The following PRIM1 variants were observed in gnomAD, a reference collection of about 807,000 sequenced individuals.
PRIM1 encodes DNA primase small subunit.
Under a neutral mutation model 60.2 loss-of-function variants are expected in PRIM1, and 38 were observed. The ratio of observed to expected loss-of-function variants is 0.63; its 90% CI spans 0.49 to 0.83. PRIM1 has a LOEUF of 0.83. Ranked by LOEUF, PRIM1 falls within the 40% of genes least tolerant of loss-of-function variation. The pLI is 0.00. For missense variants in PRIM1, 388 were observed against 506.2 expected (o/e 0.77, Z 2.24); for synonymous variants, 158 against 160.2 (o/e 0.99, Z 0.10).
At chr12:56,737,155 A>T (rs1168840071) in intron 11 of PRIM1, among the ~76,000 whole-genome samples, 3 of 152,046 alleles carry the variant, frequency 2.0e-5, no homozygotes, top group Non-Finnish European at 4.4e-5. Flanking sequence ...CCCTATTGTG[A>T]ACTGCGCATG....
chr12:56,734,793 T>A (rs1217512976), intron 11 of PRIM1, among the ~76,000 whole-genome samples: 1 of 143,906 alleles, frequency 6.9e-6, no homozygotes, highest in African/African-American at 2.6e-5. Context: ...TATATATATA[T>A]AATATATATA....
intron 9 of PRIM1, 120 bp downstream of exon 9, chr12:56,741,315 G>C (rs1953870719): frequency 9.0e-7 from 1 of 1,107,720 alleles, no homozygotes. Context: ...TTGGGTGACA[G>C]AGCAATTCTT....
At chr12:56,752,109 G>C (rs2008509) in intron 1 of PRIM1, 87 bp downstream of exon 1, 42 of 940,584 alleles carry the variant, frequency 4.5e-5, no homozygotes, top group Non-Finnish European at 6.4e-5. Flanking sequence ...CTGGTGCACA[G>C]AAGGCGCTTC....
chr12:56,744,080 A>G lies in PRIM1; in HGVS notation c.623T>C (p.Ile208Thr). Residue 208 changes from isoleucine (I) to threonine (T), a missense_variant, in exon 6 of 13, where the codon ATT (isoleucine) becomes ACT (threonine). Around this residue, in one of 3 missense-constraint regions of PRIM1, gnomAD observed 211 missense variants for 277.9 expected, o/e 0.76. Transcript: ENST00000338193. Reference protein sequence around the residue: ...VKKKVHLSEKIHPFIRKSINI... With the variant: ...VKKKVHLSEKTHPFIRKSINI... ...TCCAACAGACCTGATAAAAGGGTGA[A>G]TTTTTTCACTTAGGTGAACTTTCTT... The G allele has an allele frequency of 1.9e-6, 3 of 1,573,560 alleles. No individual in the cohort carries two copies. Among genetic ancestry groups the G allele is most frequent in the South Asian group, 1.2e-5 (1 of 85,710 alleles).
In PRIM1 at chr12:56,739,318, T is replaced by C; in HGVS notation, c.1028A>G (p.Asp343Gly). The change falls in exon 10 of 13, where the codon GAT becomes GGT. Residue 343 changes from aspartate (D) to glycine (G), a missense_variant. Transcript: ENST00000338193. ...PIDLQKVDQFDPFTVPTISFI... is the reference protein window; with the variant it reads ...PIDLQKVDQFGPFTVPTISFI... ...CCTTATGGTCGGAACAGTAAATGGA[T>C]CAAACTGGTCCACTTTCTGCAAATC... 6.3e-7 allele frequency: 1 copy of C among 1,581,148 alleles called. No homozygotes were observed. Among genetic ancestry groups the C allele is most frequent in the Non-Finnish European group, 8.6e-7 (1 of 1,158,462 alleles).
At chr12:56,745,373 C>T (rs1953899057) in intron 5 of PRIM1, among the ~76,000 whole-genome samples, 1 of 151,040 alleles carries the variant, frequency 6.6e-6, no homozygotes, top group African/African-American at 2.4e-5. Context: ...GTCACGTTAC[C>T]GTACTCCAGC....
At chr12:56,732,829 G>C (rs567136392) in intron 12 of PRIM1, among the ~76,000 whole-genome samples, 3 of 151,490 alleles carry the variant, frequency 2.0e-5, no homozygotes, top group South Asian at 4.2e-4. Flanking sequence ...ATACCTTATG[G>C]TATAGTATAT....
chr12:56,738,007 G>C (rs1442565792), intron 11 of PRIM1, among the ~76,000 whole-genome samples: 4 of 152,220 alleles, frequency 2.6e-5, no homozygotes, highest in Admixed American at 2.6e-4. Flanking sequence ...TTACAGGCGT[G>C]AGCCACTGCG....
At chr12:56,741,707 CAT>C (rs749231835) in intron 8 of PRIM1, 37 bp downstream of exon 8, 4 of 1,591,096 alleles carry the variant, frequency 2.5e-6, no homozygotes, top group South Asian at 1.1e-5. Context: ...TTAAGAATTG[CAT>C]TATTATATCT....
chr12:56,750,592 C>CTT (rs758888858), intron 2 of PRIM1, among the ~76,000 whole-genome samples: 8 of 143,290 alleles, frequency 5.6e-5, no homozygotes, highest in Admixed American at 2.1e-4. Flanking sequence ...TTATTTCCCT[C>CTT]TTTTTTTTTT....
chr12:56,733,736 C>A (rs1252232390), intron 12 of PRIM1, among the ~76,000 whole-genome samples: 1 of 151,818 alleles, frequency 6.6e-6, no homozygotes, highest in African/African-American at 2.4e-5. Flanking sequence ...ATTACAGGTG[C>A]CTGCCACCAC....
Position 56,746,125 on chromosome 12 carries a change from A to G in PRIM1, c.499T>C (p.Cys167Arg). 6.2e-7 allele frequency: 1 copy of G among 1,613,460 alleles called. No individual in the cohort carries two copies. The highest frequency in any genetic ancestry group is 8.5e-7 in the Non-Finnish European group (1 of 1,179,486). Residue 167 changes from cysteine to arginine, a missense_variant, in exon 5 of 13, where the codon TGT (cysteine) becomes CGT (arginine). This residue lies in a region of PRIM1 where 21 missense variants were observed against 52.5 expected (regional missense o/e 0.40). Coordinates refer to ENST00000338193, the MANE Select transcript of PRIM1 (RefSeq NM_000946.3). Reference protein sequence around the residue: ...WVYSGRRGVHCWVCDESVRKL... With the variant: ...WVYSGRRGVHRWVCDESVRKL... ...CTAACTGATTCATCACAGACCCAAC[A>G]ATGAACACCTCTCCTTCCAGAATAT...
In PRIM1 at chr12:56,745,449, A is replaced by G. The variant is rs1438138637; in HGVS notation, c.579+596T>C. Among the ~76,000 whole-genome samples the G allele has an allele frequency of 2.0e-5, 3 of 151,942 alleles. No homozygotes were observed. The East Asian group carries it at 5.8e-4, about 29-fold the overall frequency. On this transcript the variant is annotated intron_variant, in intron 5 of 12. Coordinates refer to ENST00000338193, the MANE Select transcript of PRIM1 (RefSeq NM_000946.3). ...ACAAAACAAAAAAAACCAAAAAAAC[A>G]AACCAAAACCAAAACCAAACTTTAA...
In PRIM1 at chr12:56,746,825, G is replaced by A. The variant is rs200499647; in HGVS notation, c.398C>T (p.Thr133Ile). 40 of 1,613,880 alleles carry A rather than the reference G, an allele frequency of 2.5e-5. No homozygotes were observed. The African/African-American group carries it at 5.1e-4, about 20-fold the overall frequency. The change falls in exon 4 of 13, where the codon ACC (threonine) becomes ATC (isoleucine). Residue 133 changes from threonine to isoleucine, a missense_variant. Coordinates refer to ENST00000338193, the MANE Select transcript of PRIM1 (RefSeq NM_000946.3). ...SSADICPKCW[T>I]LMTMAIRIID... Reference sequence around the variant, plus strand: ...GATGCGTATGGCCATTGTCATGAGGGTCCAGCACTTAGGACATATGTCTGC... The same window carrying A: ...GATGCGTATGGCCATTGTCATGAGGATCCAGCACTTAGGACATATGTCTGC...
At chr12:56,731,990 TCA>T (rs912974632) in intron 12 of PRIM1, among the ~76,000 whole-genome samples, 19 of 152,220 alleles carry the variant, frequency 1.2e-4, no homozygotes, top group African/African-American at 4.6e-4. Context: ...CATCCAATAA[TCA>T]CACATATGAG....
At chr12:56,735,394 G>A (rs560784699) in intron 11 of PRIM1, among the ~76,000 whole-genome samples, 15 of 152,102 alleles carry the variant, frequency 9.9e-5, no homozygotes, top group African/African-American at 2.9e-4. Context: ...CACCGTGCCC[G>A]GCCCCATGTC....
chr12:56,748,283 G>A (rs1164194615), intron 2 of PRIM1, among the ~76,000 whole-genome samples: 1 of 152,144 alleles, frequency 6.6e-6, no homozygotes, highest in Non-Finnish European at 1.5e-5. Flanking sequence ...ACCCACTTCT[G>A]TACTCTTCCA....
intron 9 of PRIM1, among the ~76,000 whole-genome samples, chr12:56,740,052 C>T (rs957100090): frequency 6.6e-6 from 1 of 151,810 alleles, no homozygotes; most frequent in Non-Finnish European, 1.5e-5. Context: ...CAGAGAATTG[C>T]TTGAACCTGG....
chr12:56,740,378 CCA>C (rs869083272), intron 9 of PRIM1, among the ~76,000 whole-genome samples: 3 of 96,032 alleles, frequency 3.1e-5, no homozygotes, highest in Admixed American at 1.3e-4. Flanking sequence ...ATACAGATAC[CCA>C]CATGTCAGAC....
Sources: allele counts gnomAD v4.1 joint callset (sites outside exome capture counted in the v4.1 genomes callset), GRCh38; gene constraint gnomAD v4.1.1; regional missense constraint gnomAD v4.1.1; transcripts MANE v1.5; gene names NCBI Gene and HGNC (gene_info 2026-07-23, HGNC 2026-07-21).